Variants in BTAF1 observed in about 807,000 individuals in gnomAD.
The protein encoded by BTAF1 is B-TFIID TATA-box binding protein associated factor 1.
BTAF1 carries 38 observed loss-of-function variants against 227.1 expected under a neutral mutation model. That is an observed-to-expected ratio of 0.17 (90% confidence interval 0.13 to 0.22). BTAF1 has a LOEUF of 0.22. Ranked by LOEUF, BTAF1 falls within the 10% of genes least tolerant of loss-of-function variation. The pLI is 1.00. For missense variants in BTAF1, 1,598 were observed against 2,204.0 expected (o/e 0.73, Z 5.51); for synonymous variants, 742 against 751.9 (o/e 0.99, Z 0.21).
At chr10:91,997,202 A>G in intron 24 of BTAF1, 2 of 1,233,244 alleles carry the variant, frequency 1.6e-6, no homozygotes, top group Non-Finnish European at 2.1e-6. Context: ...GTGATTGTCA[A>G]GATCCTGGTG....
intron 4 of BTAF1, among the ~76,000 whole-genome samples, chr10:91,944,720 T>TA (rs1845244074): frequency 6.6e-6 from 1 of 152,238 alleles, no homozygotes; most frequent in African/African-American, 2.4e-5. Context: ...TTTATCCTCT[T>TA]ACTTCCTTCC....
chr10:91,972,515 T>A (rs1847377095), intron 14 of BTAF1, among the ~76,000 whole-genome samples: 3 of 152,246 alleles, frequency 2.0e-5, no homozygotes, highest in Non-Finnish European at 4.4e-5. Flanking sequence ...AATCATTGTT[T>A]AAAGTCGTCA....
chr10:91,957,299 A>G lies in BTAF1; in HGVS notation c.900+6A>G. 6.2e-7 allele frequency: 1 copy of G among 1,605,130 alleles called. No individual in the cohort carries two copies. ...TTTTTAATCCCTCCTGGGAGGTAAG[A>G]TTTCTTCATTACAGTTTTTCTCAGC... On this transcript the variant is annotated splice_donor_region_variant and intron_variant, in intron 8 of 37. Transcript: ENST00000265990.
chr10:91,936,718 G>A (rs772176481), intron 2 of BTAF1, among the ~76,000 whole-genome samples: 12 of 152,164 alleles, frequency 7.9e-5, no homozygotes, highest in Non-Finnish European at 1.0e-4. Context: ...GGCAGTATTC[G>A]TGTGTAAGTT....
intron 14 of BTAF1, among the ~76,000 whole-genome samples, chr10:91,976,872 T>C (rs1027597103): frequency 1.6e-4 from 25 of 152,112 alleles, no homozygotes; most frequent in African/African-American, 5.8e-4. Context: ...AATAGGAGAC[T>C]AGACAGGAGA....
At chr10:91,999,275 T>TA (rs1849344203) in intron 25 of BTAF1, among the ~76,000 whole-genome samples, 1 of 152,196 alleles carries the variant, frequency 6.6e-6, no homozygotes, top group African/African-American at 2.4e-5. Context: ...TAATGAGTTA[T>TA]AAATAGGATA....
chr10:91,988,664 GT>G (rs1321304007), intron 19 of BTAF1, among the ~76,000 whole-genome samples: 2 of 152,286 alleles, frequency 1.3e-5, no homozygotes, highest in Admixed American at 1.3e-4. Flanking sequence ...CAGAAGGGAG[GT>G]TAAAGAAAGA....
chr10:92,005,200 G>GC (rs1464628948), intron 25 of BTAF1, among the ~76,000 whole-genome samples: 1 of 151,834 alleles, frequency 6.6e-6, no homozygotes, highest in East Asian at 1.9e-4. Context: ...GCTCAAGATT[G>GC]CTTTGGCTAT....
chr10:91,984,871 T>G (rs1848299199), intron 19 of BTAF1, among the ~76,000 whole-genome samples: 1 of 152,198 alleles, frequency 6.6e-6, no homozygotes, highest in South Asian at 2.1e-4. Flanking sequence ...CCTGCCTACC[T>G]CTCTATCCAA....
In BTAF1 at chr10:92,029,117, T is replaced by A; in HGVS notation, c.*184T>A. On this transcript the variant is annotated 3_prime_UTR_variant, in exon 38 of 38. Transcript: ENST00000265990. ...TTATTCTCAAATATTTGCACTGTATTAAATTTAAATGTTAATGTGAAATGG... is the reference window on the plus strand; with the variant it reads ...TTATTCTCAAATATTTGCACTGTATAAAATTTAAATGTTAATGTGAAATGG... 1 of 518,546 alleles carries A rather than the reference T, an allele frequency of 1.9e-6. No homozygotes were observed. The highest frequency in any genetic ancestry group is 3.2e-6 in the Non-Finnish European group (1 of 316,860). 32.1% of individuals were successfully genotyped at this position (518,546 alleles called of 1,614,324 possible).
chr10:92,006,410 A>T (rs1849888000), intron 25 of BTAF1, among the ~76,000 whole-genome samples: 1 of 152,216 alleles, frequency 6.6e-6, no homozygotes, highest in African/African-American at 2.4e-5. Flanking sequence ...TTACATTGAA[A>T]TTCATTGGTT....
chr10:92,005,296 G>A (rs1015109494), intron 25 of BTAF1, among the ~76,000 whole-genome samples: 24 of 152,048 alleles, frequency 1.6e-4, no homozygotes, highest in African/African-American at 5.8e-4. Flanking sequence ...AGAACCATAT[G>A]AGTTTTAGGA....
At chr10:91,982,873 G>A in intron 18 of BTAF1, 112 bp downstream of exon 18, 2 of 1,158,928 alleles carry the variant, frequency 1.7e-6, no homozygotes, top group South Asian at 1.9e-5. Flanking sequence ...AAAAATCCAA[G>A]AGTTACAGAA....
Position 92,020,104 on chromosome 10 carries a change from T to G in BTAF1, c.4863+1169T>G, listed in dbSNP as rs1267663916. Among the ~76,000 whole-genome samples the G allele has an allele frequency of 2.3e-5, 3 of 132,586 alleles. No homozygotes were observed. The East Asian group carries it at 7.7e-4, about 34-fold the overall frequency. 87.0% of individuals were successfully genotyped at this position (132,586 alleles called of 152,430 possible). A position where few individuals can be genotyped will look rare whatever the true frequency, so the allele number is the denominator to read the frequency against. The stretch of plus-strand genomic sequence containing the variant: ...ATTTTCTCCCATTCTATAGGTTATC[T>G]TTTTACTTCTTGATAATGTCTTCCA... On this transcript the variant is annotated intron_variant, in intron 34 of 37. Transcript: ENST00000265990.
chr10:92,025,442 T>A (rs559779072), intron 35 of BTAF1, among the ~76,000 whole-genome samples: 4,696 of 150,282 alleles, frequency 0.031, 86 homozygotes, highest in South Asian at 0.061. Context: ...GCTTTTTTTT[T>A]TAAAAAAAAA....
intron 9 of BTAF1, 80 bp downstream of exon 9, chr10:91,959,234 T>G: frequency 1.9e-6 from 3 of 1,599,430 alleles, no homozygotes. Flanking sequence ...AACGAGTATG[T>G]GCCGTGAAGT....
rs1247554583 is a variant in BTAF1 at position 91,980,495 on chromosome 10, C to G, written c.1692C>G (p.Leu564=). 2 of 1,613,250 alleles carry G rather than the reference C, an allele frequency of 1.2e-6. No individual in the cohort carries two copies. Among genetic ancestry groups the G allele is most frequent in the Non-Finnish European group, 1.7e-6 (2 of 1,179,478 alleles). ...TTATACCTATACTGCCTGATATGCT[C>G]CGACACATTTTTCAGTTCTGTGTTT... is the stretch of plus-strand genomic sequence containing the variant. ...SWLIPILPDM[L]RHIFQFCVLE... is the part of the protein sequence containing the mutation. Residue 564 remains leucine (L), a synonymous_variant, in exon 15 of 38, where the codon CTC becomes CTG. Coordinates refer to ENST00000265990, the MANE Select transcript of BTAF1 (RefSeq NM_003972.3).
At position 91,962,695 on chromosome 10, in the gene BTAF1, T is replaced by G; in HGVS notation, c.1404+17T>G. Reference sequence around the variant, plus strand: ...ACACAAAAGGTAAATTAAATATTTTTACAGTTTCTTACTATAGAGCTTGTT... The same window carrying G: ...ACACAAAAGGTAAATTAAATATTTTGACAGTTTCTTACTATAGAGCTTGTT... On this transcript the variant is annotated intron_variant, in intron 12 of 37. Coordinates refer to ENST00000265990, the MANE Select transcript of BTAF1 (RefSeq NM_003972.3). The G allele has an allele frequency of 6.4e-7, 1 of 1,571,214 alleles. No homozygotes were observed. The highest frequency in any genetic ancestry group is 8.6e-7 in the Non-Finnish European group (1 of 1,160,226).
intron 33 of BTAF1, among the ~76,000 whole-genome samples, chr10:92,018,540 TG>T (rs1850893762): frequency 1.3e-5 from 2 of 152,090 alleles, no homozygotes; most frequent in African/African-American, 2.4e-5. Context: ...CATTGTCTGG[TG>T]GGGGAGACAG....
Sources: allele counts gnomAD v4.1 joint callset (sites outside exome capture counted in the v4.1 genomes callset), GRCh38; gene constraint gnomAD v4.1.1; transcripts MANE v1.5; gene names NCBI Gene and HGNC (gene_info 2026-07-23, HGNC 2026-07-21).